MASP1: variants seen among roughly 807,000 people sequenced by gnomAD.
MASP1 encodes the protein MBL associated serine protease 1.
Under a neutral mutation model 77.1 loss-of-function variants are expected in MASP1, and 59 were observed. The ratio of observed to expected loss-of-function variants is 0.77; its 90% confidence interval spans 0.62 to 0.95. MASP1 has a LOEUF of 0.95. MASP1 is among the 40% of genes least tolerant of loss of function. The pLI is 0.00. For synonymous variants in MASP1, 362 were observed against 354.5 expected, an observed-to-expected ratio of 1.02 and a Z score of -0.24; for missense variants, 885 against 912.9, an observed-to-expected ratio of 0.97 and a Z score of 0.39.
intron 2 of MASP1, among the ~76,000 whole-genome samples, chr3:187,273,353 C>G (rs1716678393): frequency 6.6e-6 from 1 of 152,138 alleles, no homozygotes; most frequent in African/African-American, 2.4e-5. Flanking sequence ...TCTAACAGTC[C>G]TGGGGCTGAG....
intron 10 of MASP1, among the ~76,000 whole-genome samples, chr3:187,240,824 TG>T (rs1360205363): frequency 6.6e-6 from 1 of 152,126 alleles, no homozygotes; most frequent in Non-Finnish European, 1.5e-5. Flanking sequence ...TTAGTATAGA[TG>T]GGGTTCCACT....
intron 14 of MASP1, chr3:187,223,009 G>A: frequency 1.1e-6 from 1 of 871,148 alleles, no homozygotes; most frequent in South Asian, 1.4e-5. Flanking sequence ...TGGGCTCCTA[G>A]TTTCCCACTC....
downstream of MASP1, among the ~76,000 whole-genome samples, chr3:187,230,426 G>A (rs1429771595): frequency 1.3e-5 from 2 of 152,194 alleles, no homozygotes; most frequent in Admixed American, 1.3e-4. Flanking sequence ...AATTATATGT[G>A]AAGCCTTTTG....
At chr3:187,244,171 A>C (rs1162265722) in intron 8 of MASP1, 2 of 162,162 alleles carry the variant, frequency 1.2e-5, no homozygotes, top group East Asian at 3.4e-4. Flanking sequence ...CTGCCTCTCT[A>C]CAGGCAGCTT....
intron 9 of MASP1, 64 bp from the exon 10 acceptor site, chr3:187,241,619 T>C: frequency 9.6e-7 from 1 of 1,043,756 alleles, no homozygotes. Flanking sequence ...ACATGGAAAA[T>C]AGATCTGGGT....
rs530681657 is a variant in MASP1 at position 187,256,467 on chromosome 3, G to T, written c.744+197C>A. ...CCTCAAGCCACCCTAGTGGCCAGTGGGGTCATTTCGGATCAGAGATTCCTG... is the reference window on the plus strand; with the variant it reads ...CCTCAAGCCACCCTAGTGGCCAGTGTGGTCATTTCGGATCAGAGATTCCTG... On this transcript the variant is annotated intron_variant, in intron 5 of 10. Coordinates refer to ENST00000296280, the MANE Select transcript of MASP1 (RefSeq NM_139125.4). 8 of 637,070 alleles carry T rather than the reference G, an allele frequency of 1.3e-5. No homozygotes were observed. In the Admixed American group the frequency reaches 1.9e-4, roughly 15 times the overall value. 39.5% of individuals were successfully genotyped at this position (637,070 alleles called of 1,614,324 possible). A position where few individuals can be genotyped will look rare whatever the true frequency, so the allele number is the denominator to read the frequency against.
chr3:187,229,933 C>G (rs1374769485), downstream of MASP1: 4 of 1,612,800 alleles, frequency 2.5e-6, no homozygotes, highest in African/African-American at 4.0e-5. Context: ...ACAGATCAGA[C>G]TCTGGGCTCC....
intron 14 of MASP1, among the ~76,000 whole-genome samples, chr3:187,221,526 T>G (rs1181697202): frequency 6.6e-6 from 1 of 152,244 alleles, no homozygotes; most frequent in East Asian, 1.9e-4. Context: ...AACATGTGGC[T>G]TACTCATTGT....
At chr3:187,248,061 G>A (rs559935391) in intron 8 of MASP1, among the ~76,000 whole-genome samples, 5 of 152,246 alleles carry the variant, frequency 3.3e-5, no homozygotes, top group South Asian at 2.1e-4. Context: ...ACAGTGCCTC[G>A]TACAGAGAGA....
intron 2 of MASP1, among the ~76,000 whole-genome samples, chr3:187,278,058 T>C (rs1168621701): frequency 6.6e-6 from 1 of 152,224 alleles, no homozygotes; most frequent in African/African-American, 2.4e-5. Flanking sequence ...ATAGTACTTT[T>C]GAGCTAATTA....
At position 187,235,966 on chromosome 3, in the gene MASP1, C is replaced by G; in HGVS notation, c.1905G>C (p.Glu635Asp). 6.2e-7 allele frequency: 1 copy of G among 1,614,238 alleles called. No individual in the cohort carries two copies. The highest frequency in any genetic ancestry group is 8.5e-7 in the Non-Finnish European group (1 of 1,180,042). ...TGACGCTGTAATTGCCCGAGCGGGA[C>G]TCATAGCTAGTTTTGCACTCAGCGT... Reference protein sequence around the residue: ...VPHAECKTSYESRSGNYSVTE... With the variant: ...VPHAECKTSYDSRSGNYSVTE... Residue 635 changes from glutamate to aspartate, a missense_variant, in exon 11 of 11, where the codon GAG becomes GAC. Coordinates refer to ENST00000296280, the MANE Select transcript of MASP1 (RefSeq NM_139125.4).
intron 14 of MASP1, among the ~76,000 whole-genome samples, chr3:187,222,558 A>G (rs1214256403): frequency 6.6e-6 from 1 of 152,200 alleles, no homozygotes; most frequent in Non-Finnish European, 1.5e-5. Flanking sequence ...GTGTTGCCCC[A>G]TAACTCTGCA....
At chr3:187,260,226 G>A (rs566069171) in intron 4 of MASP1, among the ~76,000 whole-genome samples, 12 of 152,150 alleles carry the variant, frequency 7.9e-5, no homozygotes, top group Admixed American at 5.9e-4. Context: ...TAGTAGGTAC[G>A]TTGATGATAG....
At position 187,234,322 on chromosome 3, in the gene MASP1, G is replaced by A. The variant is rs771412197; in HGVS notation, c.*1362C>T. 4.8e-5 allele frequency: 62 copies of A among 1,287,128 alleles called. No homozygotes were observed. Among genetic ancestry groups the A allele is most frequent in the Non-Finnish European group, 6.2e-5 (61 of 988,702 alleles). The allele number at this position is 1,287,128 out of a possible 1,614,324, so 79.7% of individuals were successfully genotyped here. On this transcript the variant is annotated 3_prime_UTR_variant, in exon 11 of 11. Coordinates refer to ENST00000296280, the MANE Select transcript of MASP1 (RefSeq NM_139125.4). ...CTTGCTCTGATGGAGATTTTCAGGA[G>A]AGAGAGCTCCAGGGAGAAGGAGAAC...
downstream of MASP1, chr3:187,229,903 T>A: frequency 6.2e-7 from 1 of 1,614,112 alleles, no homozygotes; most frequent in Non-Finnish European, 8.5e-7. Flanking sequence ...ACACACTGCA[T>A]CCAAGGGAGG....
chr3:187,221,018 C>A (rs1430206141), intron 15 of MASP1: 2 of 1,608,120 alleles, frequency 1.2e-6, no homozygotes, highest in Non-Finnish European at 1.7e-6. Context: ...CTGTTGTATG[C>A]CAGCCTCTTA....
At position 187,235,646 on chromosome 3, in the gene MASP1, T is replaced by C. The variant is rs370833391; in HGVS notation, c.*38A>G. ...GTGCTGTCGGAAGTGCGGTGTAGCT[T>C]CGCTCAGGGGAGGCAGGCCCCGAGG... On this transcript the variant is annotated 3_prime_UTR_variant, in exon 11 of 11. Coordinates refer to ENST00000296280, the MANE Select transcript of MASP1 (RefSeq NM_139125.4). 45 of 1,612,282 alleles carry C rather than the reference T, an allele frequency of 2.8e-5. No individual in the cohort carries two copies. The African/African-American group carries it at 5.6e-4, about 20-fold the overall frequency.
intron 3 of MASP1, among the ~76,000 whole-genome samples, 197 bp from the exon 4 acceptor site, chr3:187,261,069 G>C (rs1216522207): frequency 6.6e-6 from 1 of 152,146 alleles, no homozygotes; most frequent in Non-Finnish European, 1.5e-5. Context: ...AGAGAGGTTA[G>C]GCAACTTACC....
rs1466890480 is a variant in MASP1 at position 187,253,257 on chromosome 3, A to T, written c.803T>A (p.Ile268Asn). The T allele has an allele frequency of 6.2e-7, 1 of 1,613,978 alleles. No homozygotes were observed. Among genetic ancestry groups the T allele is most frequent in the Admixed American group, 1.7e-5 (1 of 60,000 alleles). The stretch of plus-strand genomic sequence containing the variant: ...CAGGACACTGTGGCTCTGGGTGCTG[A>T]TGGGTTCTGGGGCTTTCTCTCCACA... Reference protein sequence around the residue: ...PFCGEKAPEPISTQSHSVLIL... With the variant: ...PFCGEKAPEPNSTQSHSVLIL... The change falls in exon 6 of 11, where the codon ATC (isoleucine) becomes AAC (asparagine). Residue 268 changes from isoleucine to asparagine, a missense_variant. Coordinates refer to ENST00000296280, the MANE Select transcript of MASP1 (RefSeq NM_139125.4).
Sources: allele counts gnomAD v4.1 joint callset (sites outside exome capture counted in the v4.1 genomes callset), GRCh38; gene constraint gnomAD v4.1.1; transcripts MANE v1.5; gene names NCBI Gene and HGNC (gene_info 2026-07-23, HGNC 2026-07-21).